The following LOC128462377 variants were observed in gnomAD, a reference collection of about 807,000 sequenced individuals.
the LOC128462377 span, among the ~76,000 whole-genome samples, chr16:89,318,896 C>CATATT: frequency 6.6e-6 from 1 of 152,134 alleles, no homozygotes; most frequent in Non-Finnish European, 1.5e-5. Flanking sequence ...TGAGGCCAGA[C>CATATT]ATATTTTCTC....
the LOC128462377 span, chr16:89,323,009 A>C: frequency 2.4e-5 from 7 of 297,314 alleles, no homozygotes; most frequent in South Asian, 2.7e-5. Flanking sequence ...ATGCCCGGCT[A>C]ATTTCTGTAC....
At chr16:89,373,640 C>CT in the LOC128462377 span, among the ~76,000 whole-genome samples, 1 of 152,210 alleles carries the variant, frequency 6.6e-6, no homozygotes, top group Non-Finnish European at 1.5e-5. Context: ...CCACGAGCTG[C>CT]TTTACTTCAC....
the LOC128462377 span, among the ~76,000 whole-genome samples, chr16:89,329,455 T>C: frequency 9.2e-5 from 14 of 152,192 alleles, no homozygotes; most frequent in Admixed American, 4.6e-4. Context: ...GGGTGATGAA[T>C]AGTCTATACT....
chr16:89,396,709 C>T, the LOC128462377 span, among the ~76,000 whole-genome samples: 19 of 152,216 alleles, frequency 1.2e-4, no homozygotes, highest in East Asian at 3.1e-3. Flanking sequence ...GTTTTTGGGA[C>T]GGAGTTTTAC....
the LOC128462377 span, among the ~76,000 whole-genome samples, chr16:89,394,354 C>T: frequency 6.6e-6 from 1 of 152,212 alleles, no homozygotes; most frequent in Admixed American, 6.5e-5. Context: ...GTGGGCCAGG[C>T]ACAGTGGCTC....
chr16:89,410,543 G>A, the LOC128462377 span, among the ~76,000 whole-genome samples: 1 of 152,104 alleles, frequency 6.6e-6, no homozygotes, highest in African/African-American at 2.4e-5. Context: ...GGCTACAAAG[G>A]CCACCCTCTG....
At chr16:89,384,881 T>TTC in the LOC128462377 span, among the ~76,000 whole-genome samples, 1 of 19,758 alleles carries the variant, frequency 5.1e-5, no homozygotes, top group East Asian at 2.0e-3. Context: ...ATAGTTTTCT[T>TTC]TTTTTTTTTT....
the LOC128462377 span, among the ~76,000 whole-genome samples, chr16:89,406,476 G>A: frequency 4.6e-5 from 7 of 152,202 alleles, no homozygotes; most frequent in Non-Finnish European, 8.8e-5. Flanking sequence ...AGGAGCCACC[G>A]TGCACCGTGA....
the LOC128462377 span, among the ~76,000 whole-genome samples, chr16:89,415,829 C>CAAACAAAAAAAAAAAAAAAAAA: frequency 2.5e-5 from 1 of 39,744 alleles, no homozygotes; most frequent in African/African-American, 9.3e-5. Flanking sequence ...GACTCTGTCT[C>CAAACAAAAAAAAAAAAAAAAAA]AAAAAAAAAA....
At chr16:89,323,874 C>T in the LOC128462377 span, 1 of 219,648 alleles carries the variant, frequency 4.6e-6, no homozygotes, top group South Asian at 6.2e-5. Flanking sequence ...CCGTCTCACC[C>T]CATAAGCCAC....
chr16:89,361,569 A>G, the LOC128462377 span: 1 of 152,378 alleles, frequency 6.6e-6, no homozygotes, highest in South Asian at 2.1e-4. Flanking sequence ...CATCCGCATC[A>G]CCAGAAGGCT....
At chr16:89,326,939 G>A in the LOC128462377 span, among the ~76,000 whole-genome samples, 13 of 152,262 alleles carry the variant, frequency 8.5e-5, no homozygotes, top group African/African-American at 2.6e-4. Context: ...ACGACCAGGC[G>A]GAGACGCAGA....
the LOC128462377 span, among the ~76,000 whole-genome samples, chr16:89,377,557 T>G: frequency 6.6e-6 from 1 of 151,912 alleles, no homozygotes; most frequent in African/African-American, 2.4e-5. Flanking sequence ...ACCAGAGAAA[T>G]TAGAAGACAA....
At chr16:89,382,140 G>C in the LOC128462377 span, among the ~76,000 whole-genome samples, 1 of 152,200 alleles carries the variant, frequency 6.6e-6, no homozygotes, top group East Asian at 1.9e-4. Flanking sequence ...GGCACACCCA[G>C]GGGACAGAGA....
chr16:89,399,392 G>A, the LOC128462377 span, among the ~76,000 whole-genome samples: 6 of 152,158 alleles, frequency 3.9e-5, no homozygotes, highest in Non-Finnish European at 8.8e-5. Flanking sequence ...GCTGCTGAGT[G>A]AAAGCAGCCC....
chr16:89,360,706 T>C, the LOC128462377 span: 1 of 152,194 alleles, frequency 6.6e-6, no homozygotes, highest in South Asian at 2.1e-4. Context: ...ATACGTGGAC[T>C]CCCTTTCAAA....
At chr16:89,354,556 G>C in the LOC128462377 span, among the ~76,000 whole-genome samples, 3 of 152,288 alleles carry the variant, frequency 2.0e-5, no homozygotes, top group African/African-American at 7.2e-5. Context: ...ATACTCAAGA[G>C]ATTTGATTGT....
chr16:89,391,297 G>A, the LOC128462377 span, among the ~76,000 whole-genome samples: 31 of 151,856 alleles, frequency 2.0e-4, no homozygotes, highest in African/African-American at 6.3e-4. Context: ...AGGGCAGGTC[G>A]CTGAGAAGCA....
At chr16:89,407,852 CAAAA>C in the LOC128462377 span, among the ~76,000 whole-genome samples, 233 of 111,406 alleles carry the variant, frequency 2.1e-3, no homozygotes, top group African/African-American at 5.0e-3. Flanking sequence ...TGTCTCCCTC[CAAAA>C]AAAAAAAAAA....
Sources: allele counts gnomAD v4.1 joint callset (sites outside exome capture counted in the v4.1 genomes callset), GRCh38; gene constraint gnomAD v4.1.1; transcripts MANE v1.5.